TMEM132C: variants seen among roughly 807,000 people sequenced by gnomAD.
The protein encoded by TMEM132C is protein phosphatase 1, regulatory subunit 152.
In TMEM132C, 29 loss-of-function variants were observed where a neutral mutation model predicts 61.4. That is an observed-to-expected ratio of 0.47 (90% CI 0.35 to 0.64). The LOEUF (loss-of-function observed/expected upper bound fraction) is 0.64, where lower values mean the gene tolerates loss of function less well. TMEM132C is among the 30% of genes least tolerant of loss of function. TMEM132C has a pLI of 0.00. For missense variants in TMEM132C, 1,408 were observed against 1,476.9 expected (o/e 0.95, Z 0.76); for synonymous variants, 656 against 633.1 (o/e 1.04, Z -0.54).
At chr12:128,420,122 G>A (rs1343105516) in intron 2 of TMEM132C, among the ~76,000 whole-genome samples, 1 of 152,154 alleles carries the variant, frequency 6.6e-6, no homozygotes, top group Non-Finnish European at 1.5e-5. Flanking sequence ...CTTGAACCTG[G>A]GAGGTGGAGG....
chr12:128,417,180 G>A (rs1056425527), intron 2 of TMEM132C, among the ~76,000 whole-genome samples: 1 of 152,266 alleles, frequency 6.6e-6, no homozygotes, highest in East Asian at 1.9e-4. Context: ...CTTGCCCCCT[G>A]AGTTTCAGAT....
chr12:128,271,296 TA>T (rs1870512407), intron 1 of TMEM132C, among the ~76,000 whole-genome samples: 1 of 95,272 alleles, frequency 1.0e-5, no homozygotes, highest in African/African-American at 4.8e-5. Flanking sequence ...ATAATAATAA[TA>T]ATAATAATAA....
intron 4 of TMEM132C, among the ~76,000 whole-genome samples, chr12:128,637,785 G>A (rs1565998702): frequency 6.6e-6 from 1 of 152,220 alleles, no homozygotes; most frequent in Non-Finnish European, 1.5e-5. Context: ...AAACAGCCCA[G>A]TGGGATCCCA....
intron 1 of TMEM132C, among the ~76,000 whole-genome samples, chr12:128,401,568 G>A (rs1447306469): frequency 5.9e-5 from 9 of 152,198 alleles, no homozygotes; most frequent in Non-Finnish European, 4.4e-5. Flanking sequence ...TGTAATTTTC[G>A]GAAAGGATCA....
chr12:128,605,335 A>T (rs968913818), intron 3 of TMEM132C, among the ~76,000 whole-genome samples: 1 of 152,172 alleles, frequency 6.6e-6, no homozygotes, highest in Non-Finnish European at 1.5e-5. Context: ...GTCCCAGGCA[A>T]TCAGACAGGA....
rs1870750659 is a variant in TMEM132C at position 128,278,033 on chromosome 12, T to C, written c.85+10546T>C. 1.3e-5 allele frequency among the ~76,000 whole-genome samples: 2 copies of C among 152,122 alleles called. No individual in the cohort carries two copies. The highest frequency in any genetic ancestry group is 2.9e-5 in the Non-Finnish European group (2 of 68,030). On this transcript the variant is annotated intron_variant, in intron 1 of 8. Coordinates refer to ENST00000435159, the MANE Select transcript of TMEM132C (RefSeq NM_001136103.3). This position sits in a 1 kb window ranked among gnomAD's most constrained non-coding sequence, Gnocchi z 4.2. ...CCTCTTGCAGATAAGGAGACCTTAC[T>C]TTCAACCTCAGGTGCTCACCCCCAG...
chr12:128,692,308 T>G (rs1323638477), intron 5 of TMEM132C, among the ~76,000 whole-genome samples: 1 of 152,240 alleles, frequency 6.6e-6, no homozygotes, highest in Non-Finnish European at 1.5e-5. Context: ...CCATGCAATG[T>G]CCATTTCACT....
intron 2 of TMEM132C, among the ~76,000 whole-genome samples, chr12:128,489,144 C>T (rs1315993416): frequency 6.6e-6 from 1 of 152,114 alleles, no homozygotes; most frequent in African/African-American, 2.4e-5. Flanking sequence ...TTCTCCTCCA[C>T]GTGTTCTCCA....
intron 2 of TMEM132C, among the ~76,000 whole-genome samples, chr12:128,542,992 C>T (rs562082549): frequency 2.0e-5 from 3 of 151,762 alleles, no homozygotes; most frequent in South Asian, 2.1e-4. Flanking sequence ...TGAAGGAAAA[C>T]GGTATGAGTA....
intron 4 of TMEM132C, among the ~76,000 whole-genome samples, chr12:128,638,779 G>A (rs1378563570): frequency 6.6e-6 from 1 of 152,052 alleles, no homozygotes; most frequent in East Asian, 1.9e-4. Context: ...TATAATGACT[G>A]TAAGGCTGCT....
intron 4 of TMEM132C, among the ~76,000 whole-genome samples, chr12:128,647,541 C>CATTTGAT: frequency 6.6e-6 from 1 of 150,460 alleles, no homozygotes; most frequent in African/African-American, 2.4e-5. Context: ...GGTCCATCAG[C>CATTTGAT]GTTTGATGTG....
intron 3 of TMEM132C, among the ~76,000 whole-genome samples, chr12:128,546,038 C>A (rs1252081368): frequency 2.6e-5 from 4 of 152,188 alleles, no homozygotes; most frequent in African/African-American, 7.2e-5. Flanking sequence ...ACAGAACCCA[C>A]TCCTCTGTCC....
chr12:128,293,249 C>G (rs1871304007), intron 1 of TMEM132C, among the ~76,000 whole-genome samples: 1 of 152,192 alleles, frequency 6.6e-6, no homozygotes. Context: ...ATTCCCTAAT[C>G]TCAGGGGGCC....
At chr12:128,287,766 A>G (rs996447383) in intron 1 of TMEM132C, among the ~76,000 whole-genome samples, 2 of 152,196 alleles carry the variant, frequency 1.3e-5, no homozygotes, top group African/African-American at 4.8e-5. Context: ...CTGTTGGTCC[A>G]GCATCTCATG....
chr12:128,666,877 T>C (rs1030973553), intron 4 of TMEM132C, among the ~76,000 whole-genome samples: 9 of 152,218 alleles, frequency 5.9e-5, no homozygotes, highest in Non-Finnish European at 1.2e-4. Flanking sequence ...GAGACCATCC[T>C]GGCTAACACG....
At chr12:128,420,339 G>A (rs1868945593) in intron 2 of TMEM132C, among the ~76,000 whole-genome samples, 1 of 152,200 alleles carries the variant, frequency 6.6e-6, no homozygotes. Flanking sequence ...TTGAAAAAGT[G>A]GCATTTGAAT....
chr12:128,351,130 T>C (rs1873325082), intron 1 of TMEM132C, among the ~76,000 whole-genome samples: 1 of 152,192 alleles, frequency 6.6e-6, no homozygotes, highest in Admixed American at 6.5e-5. Context: ...CCACTGACCC[T>C]AAGCCGTTTT....
chr12:128,357,341 G>C (rs1408047268), intron 1 of TMEM132C, among the ~76,000 whole-genome samples: 2 of 152,010 alleles, frequency 1.3e-5, no homozygotes, highest in Non-Finnish European at 2.9e-5. Context: ...GACCCCCCCG[G>C]CTCCATCATC....
intron 4 of TMEM132C, among the ~76,000 whole-genome samples, chr12:128,664,044 G>T (rs112765096): frequency 1.1e-5 from 1 of 89,998 alleles, no homozygotes; most frequent in Non-Finnish European, 2.2e-5. Flanking sequence ...CCACACGCAC[G>T]CACGCGGGCA....
Sources: allele counts gnomAD v4.1 joint callset (sites outside exome capture counted in the v4.1 genomes callset), GRCh38; gene constraint gnomAD v4.1.1; non-coding constraint Gnocchi (gnomAD v3.1); transcripts MANE v1.5; gene names NCBI Gene and HGNC (gene_info 2026-07-23, HGNC 2026-07-21).